The following ULK4 variants were observed in gnomAD, a reference collection of about 807,000 sequenced individuals.
The protein encoded by ULK4 is inactive serine/threonine-protein kinase ULK4.
Under a neutral mutation model 160.6 loss-of-function variants are expected in ULK4, and 133 were observed. That is an observed-to-expected ratio of 0.83 (90% CI 0.72 to 0.96). ULK4 has a LOEUF of 0.96. Ranked by LOEUF, ULK4 falls within the 40% of genes least tolerant of loss-of-function variation. The pLI is 0.00. For synonymous variants in ULK4, 534 were observed against 539.8 expected, an observed-to-expected ratio of 0.99 and a Z score of 0.15; for missense variants, 1,580 against 1,499.5, an observed-to-expected ratio of 1.05 and a Z score of -0.89.
chr3:41,780,311 A>T (rs1052624234), intron 21 of ULK4, among the ~76,000 whole-genome samples: 4 of 152,060 alleles, frequency 2.6e-5, no homozygotes, highest in Non-Finnish European at 4.4e-5. Context: ...CCTGGGTCAA[A>T]AATTAAATAA....
Position 41,248,244 on chromosome 3 carries a change from G to A in ULK4, c.3764+1245C>T, listed in dbSNP as rs568210481. Among the ~76,000 whole-genome samples the A allele has an allele frequency of 1.2e-4, 18 of 152,204 alleles. No homozygotes were observed. In the South Asian group the frequency reaches 2.7e-3, roughly 23 times the overall value. On this transcript the variant is annotated intron_variant, in intron 36 of 36. Transcript: ENST00000301831. ...CCCTCGGCATAAATCTCTGTAGCTG[G>A]CTCTATAATGGCATTTTGCACAAGG...
chr3:41,525,018 C>G (rs1230299800), intron 32 of ULK4, among the ~76,000 whole-genome samples: 1 of 152,050 alleles, frequency 6.6e-6, no homozygotes, highest in Non-Finnish European at 1.5e-5. Flanking sequence ...GTTAACCAAA[C>G]TAGGTGAAAG....
intron 35 of ULK4, among the ~76,000 whole-genome samples, chr3:41,262,419 T>C (rs1243425399): frequency 3.9e-5 from 6 of 152,212 alleles, no homozygotes; most frequent in African/African-American, 1.4e-4. Context: ...AGGATGATGG[T>C]AAGCTAGCGT....
intron 35 of ULK4, among the ~76,000 whole-genome samples, chr3:41,303,651 T>C (rs2079842044): frequency 6.6e-6 from 1 of 152,176 alleles, no homozygotes; most frequent in African/African-American, 2.4e-5. Flanking sequence ...CAGGGAGTAG[T>C]GATGATCTTC....
At chr3:41,395,601 G>C (rs1048486651) in intron 35 of ULK4, among the ~76,000 whole-genome samples, 1 of 152,122 alleles carries the variant, frequency 6.6e-6, no homozygotes, top group African/African-American at 2.4e-5. Context: ...AAGTCGAATG[G>C]TGGTTATCAG....
chr3:41,563,608 T>C (rs192730950), intron 32 of ULK4, among the ~76,000 whole-genome samples: 36 of 152,324 alleles, frequency 2.4e-4, no homozygotes, highest in Admixed American at 1.5e-3. Context: ...TTCATTAATT[T>C]GACCTTCAAT....
At chr3:41,456,634 A>G in intron 33 of ULK4, among the ~76,000 whole-genome samples, 1 of 152,316 alleles carries the variant, frequency 6.6e-6, no homozygotes, top group South Asian at 2.1e-4. Context: ...ATAGAGATGA[A>G]TAATTTTATA....
chr3:41,599,614 G>C (rs1322360369), intron 31 of ULK4, among the ~76,000 whole-genome samples: 1 of 140,286 alleles, frequency 7.1e-6, no homozygotes, highest in Non-Finnish European at 1.5e-5. Flanking sequence ...ACCCAGGCTA[G>C]AGTTCAGTGG....
At chr3:41,307,766 A>G (rs928465894) in intron 35 of ULK4, among the ~76,000 whole-genome samples, 9 of 152,070 alleles carry the variant, frequency 5.9e-5, no homozygotes, top group Non-Finnish European at 1.3e-4. Flanking sequence ...GGAGTTTGAG[A>G]TTACAGTGAG....
chr3:41,931,694 T>A, intron 5 of ULK4, 150 bp downstream of exon 5: 1 of 966,138 alleles, frequency 1.0e-6, no homozygotes, highest in Non-Finnish European at 1.6e-6. Flanking sequence ...GACAAAGCCA[T>A]TCCTATGCCC....
chr3:41,842,693 C>T (rs1251054726), intron 17 of ULK4, among the ~76,000 whole-genome samples: 1 of 152,222 alleles, frequency 6.6e-6, no homozygotes, highest in African/African-American at 2.4e-5. Context: ...GAAGCAGATG[C>T]TGGCACCATG....
At position 41,935,209 on chromosome 3, in the gene ULK4, ATTTTTTTTTTTTTTTTTTTTTTTTTTTTT is replaced by A. The variant is rs10524611; in HGVS notation, c.378+563_378+591del. The stretch of plus-strand genomic sequence containing the variant: ...TTTTTGTGTTTTTATTTATTTATTT[ATTTTTTTTTTTTTTTTTTTTTTTTTTTTT>A]TTTTTTTGAGACGGAGTCTTGCTCT... On this transcript the variant is annotated intron_variant, in intron 4 of 36. Coordinates refer to ENST00000301831, the MANE Select transcript of ULK4 (RefSeq NM_017886.4). Among the ~76,000 whole-genome samples the A allele has an allele frequency of 2.3e-3, 318 of 135,608 alleles. 1 individual carries two copies. Among genetic ancestry groups the A allele is most frequent in the African/African-American group, 9.2e-3 (281 of 30,634 alleles). 89.0% of individuals were successfully genotyped at this position (135,608 alleles called of 152,430 possible). A position where few individuals can be genotyped will look rare whatever the true frequency, so the allele number is the denominator to read the frequency against.
At chr3:41,851,232 T>C (rs1259236706) in intron 17 of ULK4, among the ~76,000 whole-genome samples, 1 of 152,214 alleles carries the variant, frequency 6.6e-6, no homozygotes. Context: ...ATGGCTCTTA[T>C]TATTTTGAGA....
Position 41,439,664 on chromosome 3 carries a change from C to G in ULK4, c.3492+15833G>C, listed in dbSNP as rs1290410242. Reference sequence around the variant, plus strand: ...GTAAGTCTTGAAATCAGAGTATTAGCCCTCCAACTTTATTCATTTTCAAAG... The same window carrying G: ...GTAAGTCTTGAAATCAGAGTATTAGGCCTCCAACTTTATTCATTTTCAAAG... On this transcript the variant is annotated intron_variant, in intron 34 of 36. Coordinates refer to ENST00000301831, the MANE Select transcript of ULK4 (RefSeq NM_017886.4). Among the ~76,000 whole-genome samples, 3 of 152,192 alleles carry G rather than the reference C, an allele frequency of 2.0e-5. No homozygotes were observed. In the East Asian group the frequency reaches 5.8e-4, roughly 29 times the overall value.
intron 30 of ULK4, among the ~76,000 whole-genome samples, chr3:41,619,685 C>A (rs9860333): frequency 0.049 from 7,485 of 151,566 alleles, 426 homozygotes; most frequent in African/African-American, 0.13. Flanking sequence ...AAATCGACAC[C>A]CTAACATCAT....
intron 32 of ULK4, among the ~76,000 whole-genome samples, chr3:41,530,758 G>A (rs887300620): frequency 6.6e-6 from 1 of 152,112 alleles, no homozygotes; most frequent in African/African-American, 2.4e-5. Context: ...GAAGTAAAAT[G>A]AATTTTTATT....
At chr3:41,733,771 G>C (rs1575622251) in intron 22 of ULK4, among the ~76,000 whole-genome samples, 1 of 113,834 alleles carries the variant, frequency 8.8e-6, no homozygotes, top group Non-Finnish European at 1.6e-5. Context: ...GTCTCATCCT[G>C]TCTCCCAGGC....
intron 34 of ULK4, among the ~76,000 whole-genome samples, chr3:41,441,246 G>A (rs187603912): frequency 1.3e-5 from 2 of 152,086 alleles, no homozygotes; most frequent in East Asian, 3.9e-4. Context: ...TAATTGATTT[G>A]AGACCTTTCC....
intron 31 of ULK4, among the ~76,000 whole-genome samples, chr3:41,596,306 G>T (rs1312477981): frequency 2.0e-5 from 3 of 152,200 alleles, no homozygotes; most frequent in Non-Finnish European, 4.4e-5. Flanking sequence ...AGAGAAACCA[G>T]TTGGTATAAT....
Sources: gnomAD v4.1 joint callset for allele counts (sites outside exome capture counted in the v4.1 genomes callset) on GRCh38, gnomAD v4.1.1 for gene constraint, MANE v1.5 for transcripts, NCBI Gene and HGNC (gene_info 2026-07-23, HGNC 2026-07-21) for gene names.